LDLRAD4: variants seen among roughly 807,000 people sequenced by gnomAD.
LDLRAD4 encodes low density lipoprotein receptor class A domain containing 4, also known as low-density lipoprotein receptor class A domain-containing protein 4.
Under a neutral mutation model 17.0 loss-of-function variants are expected in LDLRAD4, and 5 were observed. The ratio of observed to expected loss-of-function variants is 0.29; its 90% CI spans 0.15 to 0.62. The LOEUF (loss-of-function observed/expected upper bound fraction) is 0.62. Among genes scored for constraint, LDLRAD4 ranks in the 20% least tolerant of loss-of-function variants. The pLI is 0.84. For synonymous variants in LDLRAD4, 168 were observed against 171.8 expected (o/e 0.98, Z 0.17); for missense variants, 340 against 424.7 (o/e 0.80, Z 1.75).
intron 3 of LDLRAD4, among the ~76,000 whole-genome samples, chr18:13,592,925 C>T (rs2095046548): frequency 6.6e-6 from 1 of 152,178 alleles, no homozygotes; most frequent in Admixed American, 6.5e-5. Context: ...CTTTTGAAAC[C>T]TGATTGTGTC....
intron 4 of LDLRAD4, among the ~76,000 whole-genome samples, chr18:13,639,655 T>TGTG (rs1568441679): frequency 6.6e-6 from 1 of 152,186 alleles, no homozygotes; most frequent in African/African-American, 2.4e-5. Flanking sequence ...ATGCCAGCCT[T>TGTG]CTCGGGTTTT....
intron 1 of LDLRAD4, among the ~76,000 whole-genome samples, chr18:13,267,290 C>T (rs144678609): frequency 6.6e-6 from 1 of 152,310 alleles, no homozygotes; most frequent in African/African-American, 2.4e-5. Flanking sequence ...TACTTCTGAT[C>T]ACTGGTCAGT....
intron 1 of LDLRAD4, among the ~76,000 whole-genome samples, chr18:13,330,724 C>G (rs1249903864): frequency 1.3e-5 from 2 of 152,168 alleles, no homozygotes; most frequent in Non-Finnish European, 2.9e-5. Context: ...TGATGGGTGG[C>G]AGCCCGTAGA....
At chr18:13,334,780 T>G (rs1324734769) in intron 1 of LDLRAD4, among the ~76,000 whole-genome samples, 4 of 152,206 alleles carry the variant, frequency 2.6e-5, no homozygotes, top group Admixed American at 1.3e-4. Context: ...GTTTCTGATC[T>G]TAGCAGGAAA....
chr18:13,222,612 T>C (rs1399977231), intron 1 of LDLRAD4, among the ~76,000 whole-genome samples: 2 of 152,242 alleles, frequency 1.3e-5, no homozygotes. Flanking sequence ...TGCATGCAGC[T>C]GCGCAGAGGG....
intron 1 of LDLRAD4, among the ~76,000 whole-genome samples, chr18:13,235,279 A>G (rs2042281065): frequency 6.6e-6 from 1 of 152,180 alleles, no homozygotes; most frequent in Non-Finnish European, 1.5e-5. Flanking sequence ...TCAGATTATT[A>G]AAGTTTATTA....
intron 3 of LDLRAD4, among the ~76,000 whole-genome samples, chr18:13,505,690 C>T (rs4060877): frequency 6.6e-6 from 1 of 151,494 alleles, no homozygotes; most frequent in South Asian, 2.1e-4. Context: ...TGGTGGTGGG[C>T]ACCTGTAGTC....
At chr18:13,333,711 C>T (rs1568018190) in intron 1 of LDLRAD4, among the ~76,000 whole-genome samples, 1 of 152,190 alleles carries the variant, frequency 6.6e-6, no homozygotes, top group Non-Finnish European at 1.5e-5. Context: ...GATCAATTGA[C>T]TATTTTTATA....
rs769954479 is a variant in LDLRAD4 at position 13,612,657 on chromosome 18, T to G, written c.182-8460T>G. On this transcript the variant is annotated intron_variant, in intron 3 of 5. Transcript: ENST00000359446. ...GGAAGCTGAAGGGATGCTTTGAACG[T>G]GGGGGGGCTGCGTCACAGTTGGACT... The G allele has an allele frequency of 4.3e-6, 7 of 1,612,036 alleles. No homozygotes were observed. In the East Asian group the frequency reaches 1.6e-4, roughly 36 times the overall value.
chr18:13,565,441 A>G (rs951809198), intron 3 of LDLRAD4, among the ~76,000 whole-genome samples: 3 of 152,250 alleles, frequency 2.0e-5, no homozygotes, highest in Admixed American at 6.5e-5. Context: ...TCCAGGCAGC[A>G]GGACAAAGGG....
At chr18:13,414,866 A>G (rs2088728157) in intron 2 of LDLRAD4, among the ~76,000 whole-genome samples, 1 of 152,246 alleles carries the variant, frequency 6.6e-6, no homozygotes, top group Non-Finnish European at 1.5e-5. Flanking sequence ...GTATTAAAAC[A>G]GACTCTTTGC....
intron 3 of LDLRAD4, among the ~76,000 whole-genome samples, chr18:13,497,849 C>A (rs114984920): frequency 3.3e-5 from 5 of 151,902 alleles, no homozygotes; most frequent in African/African-American, 1.2e-4. Flanking sequence ...CACGTCCCGC[C>A]GTGGACACTG....
chr18:13,610,483 C>T (rs1028752766), intron 3 of LDLRAD4, among the ~76,000 whole-genome samples: 10 of 151,674 alleles, frequency 6.6e-5, no homozygotes, highest in African/African-American at 9.7e-5. Context: ...AGACGGGTTT[C>T]GCCATGTTGA....
intron 3 of LDLRAD4, among the ~76,000 whole-genome samples, chr18:13,474,664 A>C (rs935328487): frequency 6.6e-6 from 1 of 152,246 alleles, no homozygotes; most frequent in African/African-American, 2.4e-5. Context: ...GAGAGGGGCC[A>C]CAGGTGCAGA....
At chr18:13,546,667 C>T (rs927048279) in intron 3 of LDLRAD4, among the ~76,000 whole-genome samples, 1 of 152,138 alleles carries the variant, frequency 6.6e-6, no homozygotes, top group East Asian at 1.9e-4. Flanking sequence ...TACCCTGGCA[C>T]AAAAGTAGTC....
intron 4 of LDLRAD4, chr18:13,641,962 G>C (rs1414133385): frequency 3.0e-6 from 3 of 985,316 alleles, no homozygotes; most frequent in Non-Finnish European, 3.6e-6. Context: ...GCGCCCCTGC[G>C]GGCCCAGCCT....
intron 1 of LDLRAD4, among the ~76,000 whole-genome samples, chr18:13,226,253 T>G (rs940299209): frequency 1.4e-5 from 2 of 144,792 alleles, no homozygotes; most frequent in Non-Finnish European, 3.0e-5. Context: ...ATTCCCGGGC[T>G]GAAGCAATCT....
At chr18:13,283,980 C>T (rs756001195) in intron 1 of LDLRAD4, among the ~76,000 whole-genome samples, 1 of 152,146 alleles carries the variant, frequency 6.6e-6, no homozygotes, top group African/African-American at 2.4e-5. Context: ...GAGACTAATT[C>T]ACTATCACGA....
intron 1 of LDLRAD4, among the ~76,000 whole-genome samples, chr18:13,347,891 C>G (rs1231209240): frequency 6.6e-6 from 1 of 152,342 alleles, no homozygotes; most frequent in Admixed American, 6.5e-5. Context: ...GCATTCGTCA[C>G]ATAGTTCTCG....
Sources: gnomAD v4.1 joint callset for allele counts (sites outside exome capture counted in the v4.1 genomes callset) on GRCh38, gnomAD v4.1.1 for gene constraint, MANE v1.5 for transcripts, NCBI Gene and HGNC (gene_info 2026-07-23, HGNC 2026-07-21) for gene names.